The following DNAH9 variants were observed in gnomAD, a reference collection of about 807,000 sequenced individuals.
DNAH9 encodes dynein axonemal heavy chain 9.
DNAH9 carries 345 observed loss-of-function variants against 471.6 expected under a neutral mutation model. The ratio of observed to expected loss-of-function variants is 0.73; its 90% CI spans 0.67 to 0.80. The LOEUF is 0.80. DNAH9 is among the 30% of genes least tolerant of loss of function. The probability of loss-of-function intolerance (pLI) is 0.00; values close to 1 mark genes in which losing one functional copy is unlikely to be tolerated. For synonymous variants in DNAH9, 2,093 were observed against 2,123.6 expected, an observed-to-expected ratio of 0.99 and a Z score of 0.40; for missense variants, 5,407 against 5,609.2, an observed-to-expected ratio of 0.96 and a Z score of 1.15.
Position 11,685,305 on chromosome 17 carries a change from G to A in DNAH9, c.3744-4261G>A, listed in dbSNP as rs923054270. 7.2e-5 allele frequency among the ~76,000 whole-genome samples: 11 copies of A among 152,278 alleles called. No individual in the cohort carries two copies. The South Asian group carries it at 1.5e-3, about 20-fold the overall frequency. On this transcript the variant is annotated intron_variant, in intron 19 of 68. Coordinates refer to ENST00000262442, the MANE Select transcript of DNAH9 (RefSeq NM_001372.4). The stretch of plus-strand genomic sequence containing the variant: ...TCTGGGCAAAGGAAATAGCACATAC[G>A]AAGATGCAGAAGGATGAAAATGTAA...
chr17:11,668,656 C>T (rs1240452871), intron 15 of DNAH9, among the ~76,000 whole-genome samples: 2 of 112,334 alleles, frequency 1.8e-5, no homozygotes, highest in Non-Finnish European at 3.5e-5. Context: ...CAGAGTCAGA[C>T]TGCATCTCAA....
At chr17:11,878,629 C>T (rs1483037780) in intron 53 of DNAH9, among the ~76,000 whole-genome samples, 3 of 152,100 alleles carry the variant, frequency 2.0e-5, no homozygotes, top group Non-Finnish European at 4.4e-5. Context: ...AATCATGGCT[C>T]CCTGCAGCCT....
chr17:11,839,005 C>T (rs1014428802), intron 49 of DNAH9, among the ~76,000 whole-genome samples: 2 of 152,122 alleles, frequency 1.3e-5, no homozygotes, highest in Non-Finnish European at 2.9e-5. Flanking sequence ...TTTAAGTCTC[C>T]ATTTTGGCAG....
chr17:11,936,069 C>T (rs188665027), intron 65 of DNAH9, among the ~76,000 whole-genome samples: 12 of 152,252 alleles, frequency 7.9e-5, no homozygotes, highest in African/African-American at 2.9e-4. Flanking sequence ...TCGATTTGCA[C>T]ATTTCCAAAT....
chr17:11,747,555 G>C lies in DNAH9; in HGVS notation c.6400-1G>C. 3 of 1,612,980 alleles carry C rather than the reference G, an allele frequency of 1.9e-6. No individual in the cohort carries two copies. The highest frequency in any genetic ancestry group is 8.5e-7 in the Non-Finnish European group (1 of 1,179,848). On this transcript the variant is annotated splice_acceptor_variant, in intron 31 of 68. Coordinates refer to ENST00000262442, the MANE Select transcript of DNAH9 (RefSeq NM_001372.4). LOFTEE classifies it high-confidence loss of function. The stretch of plus-strand genomic sequence containing the variant: ...TCTGGCTGAATTTCCTGCCTCCTCA[G>C]GTGGTCCAGCTGGAGGAGCTCCTGG...
intron 17 of DNAH9, among the ~76,000 whole-genome samples, chr17:11,673,514 A>G (rs1567709187): frequency 6.6e-6 from 1 of 152,110 alleles, no homozygotes; most frequent in East Asian, 1.9e-4. Context: ...AGAAAGGAGT[A>G]TGACCCCACA....
At chr17:11,660,852 T>C (rs749127938) in intron 14 of DNAH9, among the ~76,000 whole-genome samples, 4 of 152,180 alleles carry the variant, frequency 2.6e-5, no homozygotes, top group Non-Finnish European at 5.9e-5. Flanking sequence ...ATAATAATGT[T>C]TATTCTTCTT....
chr17:11,828,895 C>T (rs1970594451), intron 48 of DNAH9, among the ~76,000 whole-genome samples: 1 of 152,164 alleles, frequency 6.6e-6, no homozygotes, highest in Non-Finnish European at 1.5e-5. Context: ...CCTTCAAGGG[C>T]AGGGACCAGG....
At chr17:11,614,058 A>G (rs1360954505) in intron 4 of DNAH9, among the ~76,000 whole-genome samples, 1 of 152,236 alleles carries the variant, frequency 6.6e-6, no homozygotes, top group Non-Finnish European at 1.5e-5. Flanking sequence ...AAACACTACC[A>G]TAAAAAGAGA....
intron 68 of DNAH9, 104 bp from the exon 69 acceptor site, chr17:11,969,196 T>C (rs2151460027): frequency 2.0e-6 from 2 of 986,876 alleles, no homozygotes; most frequent in South Asian, 1.5e-5. Context: ...AAGGCAGCCA[T>C]GTCAGTCCAG....
intron 48 of DNAH9, 57 bp downstream of exon 48, chr17:11,823,091 C>T: frequency 1.4e-6 from 2 of 1,459,616 alleles, no homozygotes; most frequent in Middle Eastern, 1.9e-4. Flanking sequence ...CTGAAGCAGC[C>T]CTTTCCAGTG....
chr17:11,838,844 G>A (rs538450537), intron 49 of DNAH9, among the ~76,000 whole-genome samples: 25 of 152,218 alleles, frequency 1.6e-4, no homozygotes, highest in Admixed American at 3.9e-4. Flanking sequence ...AGGACTCCTC[G>A]ACTGTCTTTA....
Position 11,822,594 on chromosome 17 carries a change from A to G in DNAH9, c.9007A>G (p.Ile3003Val), listed in dbSNP as rs777071756. ...SLRFLQNTEG[I>V]EPTVKQSISK... Reference sequence around the variant, plus strand: ...CCGCTTCTTGCAGAACACAGAGGGCATTGAGGTGAGAGAGAAAAGGAGACA... The same window carrying G: ...CCGCTTCTTGCAGAACACAGAGGGCGTTGAGGTGAGAGAGAAAAGGAGACA... The change falls in exon 47 of 69, where the codon ATT becomes GTT. Residue 3003 changes from isoleucine to valine, a missense_variant. Around this residue, in one of 3 missense-constraint regions of DNAH9, gnomAD observed 4,636 missense variants for 4,900.3 expected, o/e 0.95. Coordinates refer to ENST00000262442, the MANE Select transcript of DNAH9 (RefSeq NM_001372.4). 1.2e-6 allele frequency: 2 copies of G among 1,614,104 alleles called. No individual in the cohort carries two copies. Among genetic ancestry groups the G allele is most frequent in the Non-Finnish European group, 1.7e-6 (2 of 1,179,994 alleles).
chr17:11,631,979 T>TA (rs35983418), intron 7 of DNAH9, among the ~76,000 whole-genome samples: 77,639 of 149,808 alleles, frequency 0.52, 21,476 homozygotes, highest in African/African-American at 0.73. Context: ...TTGGACATAC[T>TA]AAAAAAAAAA....
At position 11,942,408 on chromosome 17, in the gene DNAH9, T is replaced by A. The variant is rs757387780; in HGVS notation, c.12766T>A (p.Phe4256Ile). The change falls in exon 67 of 69, where the codon TTC (phenylalanine) becomes ATC (isoleucine). Residue 4256 changes from phenylalanine to isoleucine, a missense_variant. By Grantham distance (21) the Phe-to-Ile change is conservative. Coordinates refer to ENST00000262442, the MANE Select transcript of DNAH9 (RefSeq NM_001372.4). ...GCGCACCCCTTACATTGTAGTTGCC[T>A]TCCAGGAGTGTGGCCGGATGAATAT... is the stretch of plus-strand genomic sequence containing the variant. Reference protein sequence around the residue: ...EERTPYIVVAFQECGRMNILT... With the variant: ...EERTPYIVVAIQECGRMNILT... The A allele has an allele frequency of 1.2e-6, 2 of 1,614,198 alleles. No individual in the cohort carries two copies. The highest frequency in any genetic ancestry group is 2.2e-5 in the South Asian group (2 of 91,088).
intron 28 of DNAH9, among the ~76,000 whole-genome samples, chr17:11,735,398 C>A (rs1393764666): frequency 1.3e-5 from 2 of 152,052 alleles, no homozygotes; most frequent in African/African-American, 2.4e-5. Context: ...CCGGTTCCTA[C>A]ATAGCTTTCC....
intron 7 of DNAH9, among the ~76,000 whole-genome samples, chr17:11,630,872 A>C (rs2073053049): frequency 6.6e-6 from 1 of 152,226 alleles, no homozygotes. Flanking sequence ...CAGTGTATAC[A>C]TGTATCAAAA....
intron 14 of DNAH9, among the ~76,000 whole-genome samples, chr17:11,655,777 A>C (rs1031329919): frequency 6.6e-6 from 1 of 152,004 alleles, no homozygotes; most frequent in African/African-American, 2.4e-5. Flanking sequence ...AAAACCAAAC[A>C]TTGTATGTTC....
intron 31 of DNAH9, among the ~76,000 whole-genome samples, chr17:11,745,285 G>T (rs915673971): frequency 3.3e-5 from 5 of 152,154 alleles, no homozygotes; most frequent in African/African-American, 1.2e-4. Context: ...AGGGAAAGTT[G>T]GAGGATCCTT....
Sources: gnomAD v4.1 joint callset for allele counts (sites outside exome capture counted in the v4.1 genomes callset) on GRCh38, gnomAD v4.1.1 for gene constraint, gnomAD v4.1.1 regional missense constraint, MANE v1.5 for transcripts, NCBI Gene and HGNC (gene_info 2026-07-23, HGNC 2026-07-21) for gene names.